CCSER1: variants seen among roughly 807,000 people sequenced by gnomAD.
CCSER1 encodes the protein serine-rich coiled-coil domain-containing protein 1.
CCSER1 carries 41 observed loss-of-function variants against 82.0 expected under a neutral mutation model. That is an observed-to-expected ratio of 0.50 (90% CI 0.39 to 0.65). The LOEUF is 0.65. CCSER1 is among the 30% of genes least tolerant of loss of function. The pLI, the probability that CCSER1 is intolerant of heterozygous loss-of-function variation, is 0.00. For missense variants in CCSER1, 1,119 were observed against 1,064.2 expected, an observed-to-expected ratio of 1.05 and a Z score of -0.72; for synonymous variants, 414 against 383.9, an observed-to-expected ratio of 1.08 and a Z score of -0.92.
chr4:90,762,045 T>G (rs1425196012), intron 7 of CCSER1, among the ~76,000 whole-genome samples: 1 of 152,128 alleles, frequency 6.6e-6, no homozygotes, highest in African/African-American at 2.4e-5. Flanking sequence ...TATGAAAAGC[T>G]TTAACATTTT....
chr4:91,408,819 A>C (rs1752856628), intron 10 of CCSER1, among the ~76,000 whole-genome samples: 1 of 152,220 alleles, frequency 6.6e-6, no homozygotes, highest in Non-Finnish European at 1.5e-5. Context: ...AGACATATAC[A>C]GTGCTTTATA....
intron 3 of CCSER1, among the ~76,000 whole-genome samples, chr4:90,397,962 C>A (rs950919648): frequency 1.3e-5 from 2 of 152,140 alleles, no homozygotes; most frequent in Non-Finnish European, 2.9e-5. Context: ...TTTGCCAGGG[C>A]TGCCATAACA....
Position 91,338,848 on chromosome 4 carries a change from AG to A in CCSER1, c.2217+252855del, listed in dbSNP as rs1374130765. The stretch of plus-strand genomic sequence containing the variant: ...CCTGGTGATGCCCACATGCTGATGT[AG>A]TTTTCTCTTTAAATATATATATTTA... On this transcript the variant is annotated intron_variant, in intron 10 of 10. Coordinates refer to ENST00000509176, the MANE Select transcript of CCSER1 (RefSeq NM_001145065.2). Among the ~76,000 whole-genome samples, 45 of 152,116 alleles carry A rather than the reference AG, an allele frequency of 3.0e-4. 1 individual carries two copies. Among genetic ancestry groups the A allele is most frequent in the Non-Finnish European group, 1.5e-4 (10 of 68,010 alleles).
At chr4:91,154,333 G>A (rs1371586221) in intron 10 of CCSER1, among the ~76,000 whole-genome samples, 2 of 152,092 alleles carry the variant, frequency 1.3e-5, no homozygotes, top group African/African-American at 2.4e-5. Context: ...TAATCTCCTG[G>A]TATGCCATTT....
chr4:90,637,620 C>G (rs1358192477), intron 6 of CCSER1, among the ~76,000 whole-genome samples: 1 of 152,088 alleles, frequency 6.6e-6, no homozygotes, highest in East Asian at 1.9e-4. Flanking sequence ...TGCAGAATCT[C>G]AAAATCTAAA....
At chr4:90,425,451 A>C (rs1287193340) in intron 4 of CCSER1, among the ~76,000 whole-genome samples, 1 of 152,120 alleles carries the variant, frequency 6.6e-6, no homozygotes, top group Non-Finnish European at 1.5e-5. Context: ...GCTTTTCTTA[A>C]TTCAAGCAAT....
chr4:91,307,041 G>C (rs761421112), intron 10 of CCSER1, among the ~76,000 whole-genome samples: 1 of 151,778 alleles, frequency 6.6e-6, no homozygotes, highest in Non-Finnish European at 1.5e-5. Context: ...TTTCTTTAGG[G>C]TATGATGTTT....
intron 9 of CCSER1, among the ~76,000 whole-genome samples, chr4:90,970,015 G>A (rs72882898): frequency 0.027 from 4,044 of 150,554 alleles, 147 homozygotes; most frequent in African/African-American, 0.078. Context: ...AAATTACAAA[G>A]GAATATGACA....
intron 1 of CCSER1, among the ~76,000 whole-genome samples, chr4:90,129,665 A>G (rs2153309436): frequency 6.6e-6 from 1 of 152,352 alleles, no homozygotes; most frequent in African/African-American, 2.4e-5. Context: ...ATTTAAATTA[A>G]TTAGTTATTT....
chr4:90,457,093 G>A (rs1762269791), intron 4 of CCSER1, among the ~76,000 whole-genome samples: 1 of 152,200 alleles, frequency 6.6e-6, no homozygotes, highest in African/African-American at 2.4e-5. Flanking sequence ...AGGCACACTG[G>A]CTGGGGCTGG....
At chr4:90,217,354 G>C (rs1204218930) in intron 1 of CCSER1, among the ~76,000 whole-genome samples, 1 of 152,028 alleles carries the variant, frequency 6.6e-6, no homozygotes, top group Non-Finnish European at 1.5e-5. Context: ...CTGCCACCAT[G>C]CCTGGCTAAT....
intron 1 of CCSER1, among the ~76,000 whole-genome samples, chr4:90,303,658 G>T (rs1242442103): frequency 6.6e-6 from 1 of 151,976 alleles, no homozygotes; most frequent in Admixed American, 6.6e-5. Context: ...ATTCAAGATG[G>T]ATTAAAGACT....
At chr4:90,170,355 C>G (rs1224763832) in intron 1 of CCSER1, among the ~76,000 whole-genome samples, 5 of 151,028 alleles carry the variant, frequency 3.3e-5, no homozygotes, top group Non-Finnish European at 7.4e-5. Context: ...TTAAAGGAAC[C>G]TTGAAATATC....
At chr4:90,288,161 G>C (rs959199299) in intron 1 of CCSER1, among the ~76,000 whole-genome samples, 3 of 151,028 alleles carry the variant, frequency 2.0e-5, no homozygotes, top group African/African-American at 7.4e-5. Flanking sequence ...GCTAGTTTTG[G>C]CAATCAATCC....
chr4:90,698,861 T>TTGGGAGGCTGAAG (rs1737483111), intron 6 of CCSER1, among the ~76,000 whole-genome samples: 1 of 152,164 alleles, frequency 6.6e-6, no homozygotes, highest in African/African-American at 2.4e-5. Flanking sequence ...TTCCAGCACT[T>TTGGGAGGCTGAAG]TGGGAGGCTG....
chr4:90,989,346 T>C (rs1258222654), intron 9 of CCSER1, among the ~76,000 whole-genome samples: 1 of 151,478 alleles, frequency 6.6e-6, no homozygotes, highest in Admixed American at 6.6e-5. Flanking sequence ...TGTGTATCAT[T>C]GTTTACCATT....
chr4:90,696,003 T>C (rs1315417674), intron 6 of CCSER1, among the ~76,000 whole-genome samples: 2 of 152,106 alleles, frequency 1.3e-5, no homozygotes, highest in Admixed American at 6.6e-5. Flanking sequence ...AATAAAAGTA[T>C]GCATGTTCTT....
intron 1 of CCSER1, among the ~76,000 whole-genome samples, chr4:90,280,272 C>A (rs1289546967): frequency 6.6e-6 from 1 of 151,948 alleles, no homozygotes; most frequent in Non-Finnish European, 1.5e-5. Flanking sequence ...TTTTTGGGCA[C>A]CCAGAAAATA....
At chr4:91,146,728 T>C (rs751776729) in intron 10 of CCSER1, among the ~76,000 whole-genome samples, 37 of 152,166 alleles carry the variant, frequency 2.4e-4, no homozygotes, top group Non-Finnish European at 4.3e-4. Context: ...CTGTATGGGT[T>C]TTTTACGTTG....
Sources: gnomAD v4.1 joint callset for allele counts (sites outside exome capture counted in the v4.1 genomes callset) on GRCh38, gnomAD v4.1.1 for gene constraint, MANE v1.5 for transcripts, NCBI Gene and HGNC (gene_info 2026-07-23, HGNC 2026-07-21) for gene names.